Variants in KIAA0825 observed in about 807,000 individuals in gnomAD.
The protein encoded by KIAA0825 is uncharacterized protein KIAA0825.
Under a neutral mutation model 147.6 loss-of-function variants are expected in KIAA0825, and 119 were observed. The ratio of observed to expected loss-of-function variants is 0.81; its 90% CI spans 0.69 to 0.94. The LOEUF is 0.94. KIAA0825 is among the 40% of genes least tolerant of loss of function. The probability of loss-of-function intolerance (pLI) is 0.00; values close to 1 mark genes in which losing one functional copy is unlikely to be tolerated. For missense variants in KIAA0825, 1,381 were observed against 1,472.7 expected, an observed-to-expected ratio of 0.94 and a Z score of 1.02; for synonymous variants, 470 against 518.1, an observed-to-expected ratio of 0.91 and a Z score of 1.26.
intron 20 of KIAA0825, among the ~76,000 whole-genome samples, chr5:94,183,447 G>A (rs1277683770): frequency 1.3e-5 from 2 of 152,178 alleles, no homozygotes; most frequent in East Asian, 3.9e-4. Flanking sequence ...AAGACCCAGT[G>A]ATAAGAGTGT....
intron 20 of KIAA0825, among the ~76,000 whole-genome samples, chr5:94,176,927 A>G (rs1237619321): frequency 1.3e-5 from 2 of 152,140 alleles, no homozygotes; most frequent in Admixed American, 6.6e-5. Flanking sequence ...TCAGTAAGTA[A>G]CTATGACATT....
intron 1 of KIAA0825, chr5:94,594,256 C>A: frequency 1.6e-6 from 1 of 616,222 alleles, no homozygotes; most frequent in South Asian, 1.4e-5. Context: ...CTAAATAGAT[C>A]AGTCTGCTTG....
Position 94,371,455 on chromosome 5 carries a change from G to T in KIAA0825, c.3710+12913C>A, listed in dbSNP as rs186965515. Among the ~76,000 whole-genome samples, 24 of 152,266 alleles carry T rather than the reference G, an allele frequency of 1.6e-4. No individual in the cohort carries two copies. The East Asian group carries it at 4.4e-3, about 28-fold the overall frequency. On this transcript the variant is annotated intron_variant, in intron 20 of 20. Coordinates refer to ENST00000682413, the MANE Select transcript of KIAA0825 (RefSeq NM_001145678.3). ...AATTGACTCACTGTTCTGCAGGGCT[G>T]GGGAGGCCTCAGGAAACTTACAATC...
chr5:94,276,088 C>T, intron 20 of KIAA0825, among the ~76,000 whole-genome samples: 1 of 152,074 alleles, frequency 6.6e-6, no homozygotes, highest in East Asian at 1.9e-4. Flanking sequence ...ACCTTCACTG[C>T]ATGCTAGGTC....
chr5:94,398,255 T>C (rs976071903), intron 16 of KIAA0825, among the ~76,000 whole-genome samples: 1 of 152,140 alleles, frequency 6.6e-6, no homozygotes. Flanking sequence ...AAAACTGAAT[T>C]CATCCCCATG....
chr5:94,152,886 AT>A lies in KIAA0825; in HGVS notation c.*1120del, dbSNP rs1562284229. On this transcript the variant is annotated 3_prime_UTR_variant, in exon 21 of 21. Transcript: ENST00000682413. Reference sequence around the variant, plus strand: ...TATATATATATATATATATATATATATATATATATATATATATGGTTTCTCC... The same window carrying A: ...TATATATATATATATATATATATATAATATATATATATATATGGTTTCTCC... 240 of 72,312 alleles carry A rather than the reference AT, an allele frequency of 3.3e-3. 47 individuals are homozygous for A. Among genetic ancestry groups the A allele is most frequent in the African/African-American group, 6.2e-3 (118 of 19,056 alleles). 4.5% of individuals were successfully genotyped at this position (72,312 alleles called of 1,614,324 possible).
intron 10 of KIAA0825, among the ~76,000 whole-genome samples, chr5:94,466,466 TC>T (rs901705302): frequency 2.6e-5 from 4 of 151,972 alleles, no homozygotes; most frequent in Admixed American, 2.6e-4. Context: ...ACACCTGTAA[TC>T]CCAGCACGTT....
chr5:94,519,431 C>A (rs1767756476), intron 5 of KIAA0825: 1 of 915,488 alleles, frequency 1.1e-6, no homozygotes. Context: ...CTATTTTTAC[C>A]CTGATTTTTC....
rs531764907 is a variant in KIAA0825 at position 94,442,134 on chromosome 5, G to T, written c.2358-2013C>A. 3.3e-5 allele frequency among the ~76,000 whole-genome samples: 5 copies of T among 152,252 alleles called. No homozygotes were observed. The East Asian group carries it at 9.7e-4, about 29-fold the overall frequency. On this transcript the variant is annotated intron_variant, in intron 13 of 20. Coordinates refer to ENST00000682413, the MANE Select transcript of KIAA0825 (RefSeq NM_001145678.3). ...AAACTTATAGAAAAAAAATGATGAG[G>T]ATGCTTTGCCAAAAGGCTGGCTTAA... is the stretch of plus-strand genomic sequence containing the variant.
chr5:94,489,582 AAAAAAC>A (rs1295784198), intron 5 of KIAA0825, among the ~76,000 whole-genome samples: 1 of 151,862 alleles, frequency 6.6e-6, no homozygotes, highest in Non-Finnish European at 1.5e-5. Context: ...AAAAAAAAAA[AAAAAAC>A]AAACTCCACT....
chr5:94,566,601 C>T (rs533286514), intron 2 of KIAA0825, among the ~76,000 whole-genome samples: 1 of 151,954 alleles, frequency 6.6e-6, no homozygotes, highest in South Asian at 2.1e-4. Flanking sequence ...TATCTGTCAT[C>T]CACAGATATT....
At chr5:94,179,325 C>T (rs1241602824) in intron 20 of KIAA0825, among the ~76,000 whole-genome samples, 2 of 152,080 alleles carry the variant, frequency 1.3e-5, no homozygotes, top group Non-Finnish European at 2.9e-5. Flanking sequence ...AGAATGCAGA[C>T]TGTGACAAGG....
At chr5:94,580,438 T>C (rs988679961) in intron 2 of KIAA0825, among the ~76,000 whole-genome samples, 1 of 152,206 alleles carries the variant, frequency 6.6e-6, no homozygotes, top group African/African-American at 2.4e-5. Flanking sequence ...AGACCTGCCC[T>C]GTAAAATCAT....
intron 2 of KIAA0825, among the ~76,000 whole-genome samples, chr5:94,564,716 C>T (rs1391930352): frequency 6.6e-6 from 1 of 151,954 alleles, no homozygotes; most frequent in Non-Finnish European, 1.5e-5. Context: ...CTACTTGTTA[C>T]AAGAGTAGGT....
intron 20 of KIAA0825, among the ~76,000 whole-genome samples, chr5:94,245,492 T>C (rs1346210014): frequency 1.3e-5 from 2 of 152,184 alleles, no homozygotes; most frequent in East Asian, 3.9e-4. Flanking sequence ...TGTTTGAACC[T>C]ACTTGCTTGC....
intron 20 of KIAA0825, among the ~76,000 whole-genome samples, chr5:94,174,135 G>T (rs191237660): frequency 4.5e-4 from 69 of 152,192 alleles, no homozygotes; most frequent in African/African-American, 1.5e-3. Context: ...AGATAAATTT[G>T]AAGTTTTAAT....
chr5:94,205,641 G>A (rs1221222761), intron 20 of KIAA0825, among the ~76,000 whole-genome samples: 2 of 152,190 alleles, frequency 1.3e-5, no homozygotes, highest in Admixed American at 6.5e-5. Flanking sequence ...TCTCTTGCTT[G>A]TAATAATTAT....
chr5:94,256,712 C>T (rs534803972), intron 20 of KIAA0825, among the ~76,000 whole-genome samples: 1 of 152,104 alleles, frequency 6.6e-6, no homozygotes, highest in African/African-American at 2.4e-5. Flanking sequence ...CTTCTTCCTG[C>T]CAGATTAGTG....
chr5:94,500,599 G>C (rs888408365), intron 5 of KIAA0825, among the ~76,000 whole-genome samples: 6 of 152,106 alleles, frequency 3.9e-5, no homozygotes, highest in Admixed American at 6.5e-5. Context: ...TGGAGTGCCT[G>C]TGGAATAGCC....
Sources: allele counts gnomAD v4.1 joint callset (sites outside exome capture counted in the v4.1 genomes callset), GRCh38; gene constraint gnomAD v4.1.1; transcripts MANE v1.5; gene names NCBI Gene and HGNC (gene_info 2026-07-23, HGNC 2026-07-21).